EBF1: variants seen among roughly 807,000 people sequenced by gnomAD.
EBF1 encodes the protein EBF transcription factor 1, also known as transcription factor COE1.
EBF1 carries 10 observed loss-of-function variants against 68.4 expected under a neutral mutation model. The ratio of observed to expected loss-of-function variants is 0.15; its 90% confidence interval spans 0.09 to 0.25. The LOEUF (loss-of-function observed/expected upper bound fraction) is 0.25, where lower values mean the gene tolerates loss of function less well. Ranked by LOEUF, EBF1 falls within the 10% of genes least tolerant of loss-of-function variation. EBF1 has a pLI of 1.00. For synonymous variants in EBF1, 298 were observed against 299.8 expected (o/e 0.99, Z 0.06); for missense variants, 509 against 794.4 (o/e 0.64, Z 4.32).
chr5:158,869,292 G>A (rs1796451948), intron 6 of EBF1, among the ~76,000 whole-genome samples: 1 of 152,130 alleles, frequency 6.6e-6, no homozygotes, highest in Non-Finnish European at 1.5e-5. Flanking sequence ...ATCCCCCTGG[G>A]AATAGAACAA....
chr5:159,076,958 C>G (rs1211109779), intron 5 of EBF1, among the ~76,000 whole-genome samples: 4 of 152,250 alleles, frequency 2.6e-5, no homozygotes, highest in South Asian at 4.2e-4. Context: ...AAGAAATGTA[C>G]AGCATATTGT....
At chr5:158,781,004 G>C (rs1056263649) in intron 9 of EBF1, among the ~76,000 whole-genome samples, 2 of 152,104 alleles carry the variant, frequency 1.3e-5, no homozygotes, top group African/African-American at 4.8e-5. Flanking sequence ...ATATTCTTCT[G>C]AAACTCTGTA....
intron 6 of EBF1, among the ~76,000 whole-genome samples, chr5:158,924,037 T>A (rs62385382): frequency 0.047 from 7,130 of 152,342 alleles, 239 homozygotes; most frequent in Non-Finnish European, 0.068. Flanking sequence ...AGATGTGTTA[T>A]TCACAAAACA....
chr5:158,773,801 C>G (rs1039397820), intron 10 of EBF1, among the ~76,000 whole-genome samples: 1 of 151,944 alleles, frequency 6.6e-6, no homozygotes, highest in African/African-American at 2.4e-5. Flanking sequence ...GATCACGATT[C>G]GAAAAGATCC....
At chr5:158,796,619 A>T in intron 8 of EBF1, 144 bp from the exon 9 acceptor site, 1 of 1,008,158 alleles carries the variant, frequency 9.9e-7, no homozygotes, top group Non-Finnish European at 1.4e-6. Context: ...TTTCCCAGCC[A>T]CATTAGGACC....
At chr5:158,897,444 G>A (rs1477628409) in intron 6 of EBF1, among the ~76,000 whole-genome samples, 1 of 152,094 alleles carries the variant, frequency 6.6e-6, no homozygotes, top group East Asian at 1.9e-4. Flanking sequence ...GGGAGAGGAT[G>A]AGGAAAAATA....
chr5:159,095,016 A>C (rs967300122), intron 4 of EBF1, among the ~76,000 whole-genome samples: 1 of 152,202 alleles, frequency 6.6e-6, no homozygotes, highest in Non-Finnish European at 1.5e-5. Context: ...AAGCTCACTC[A>C]TGCTGCCTGG....
chr5:159,033,894 G>A (rs1769469255), intron 6 of EBF1, among the ~76,000 whole-genome samples: 1 of 152,074 alleles, frequency 6.6e-6, no homozygotes. Context: ...TTTGTCTCCT[G>A]GGACATCTAA....
intron 10 of EBF1, among the ~76,000 whole-genome samples, chr5:158,741,965 C>T (rs1294151289): frequency 6.6e-6 from 1 of 152,174 alleles, no homozygotes; most frequent in Admixed American, 6.5e-5. Flanking sequence ...CCATTAGACA[C>T]AGAAGAAAAT....
Position 158,846,593 on chromosome 5 carries a change from C to T in EBF1, c.555-6483G>A, listed in dbSNP as rs146021613. On this transcript the variant is annotated intron_variant, in intron 6 of 15. Transcript: ENST00000313708. ...CTCAAGGCCCTGAAAAATGGATCTC[C>T]CTTGCAACAGAGCAGGCCAAAACAG... is the stretch of plus-strand genomic sequence containing the variant. Among the ~76,000 whole-genome samples the T allele has an allele frequency of 4.3e-3, 658 of 152,274 alleles. 5 individuals are homozygous for T. Among genetic ancestry groups the T allele is most frequent in the Non-Finnish European group, 7.6e-3 (518 of 68,014 alleles).
intron 11 of EBF1, among the ~76,000 whole-genome samples, chr5:158,720,269 G>A (rs984154215): frequency 5.9e-5 from 9 of 152,154 alleles, no homozygotes; most frequent in Non-Finnish European, 1.2e-4. Context: ...ACTTCTGAAA[G>A]CCTGGGTGAC....
intron 8 of EBF1, among the ~76,000 whole-genome samples, chr5:158,799,185 T>A (rs1273640045): frequency 6.6e-6 from 1 of 152,114 alleles, no homozygotes; most frequent in Non-Finnish European, 1.5e-5. Flanking sequence ...CCCAGCACTT[T>A]GGGAAGCCAA....
At chr5:158,849,972 C>A (rs141844263) in intron 6 of EBF1, among the ~76,000 whole-genome samples, 1 of 152,356 alleles carries the variant, frequency 6.6e-6, no homozygotes. Flanking sequence ...CTATCCATCT[C>A]ACACTCTGTA....
At chr5:158,905,164 T>C (rs1003208530) in intron 6 of EBF1, among the ~76,000 whole-genome samples, 8 of 152,216 alleles carry the variant, frequency 5.3e-5, no homozygotes, top group Non-Finnish European at 1.0e-4. Flanking sequence ...CTAAGAGTGA[T>C]AGCTTTAACT....
chr5:159,087,371 CACAT>C (rs913288683), intron 4 of EBF1, among the ~76,000 whole-genome samples: 10 of 141,748 alleles, frequency 7.1e-5, no homozygotes, highest in Non-Finnish European at 1.1e-4. Context: ...TATATATACA[CACAT>C]ATATATACAC....
chr5:159,098,508 G>A (rs1326583290), intron 1 of EBF1, among the ~76,000 whole-genome samples: 1 of 152,000 alleles, frequency 6.6e-6, no homozygotes, highest in Non-Finnish European at 1.5e-5. Context: ...AGACTCAGGG[G>A]AGAAATGGGA....
intron 6 of EBF1, among the ~76,000 whole-genome samples, chr5:158,877,014 C>T (rs31197): frequency 0.069 from 10,502 of 152,236 alleles, 489 homozygotes; most frequent in Non-Finnish European, 0.1. Flanking sequence ...GAGAAATACC[C>T]TGTTTTATTG....
intron 6 of EBF1, among the ~76,000 whole-genome samples, chr5:158,872,858 A>G (rs1359867734): frequency 6.6e-6 from 1 of 152,182 alleles, no homozygotes; most frequent in African/African-American, 2.4e-5. Flanking sequence ...AGCTGTTACA[A>G]TATGCCAGGC....
At chr5:158,833,880 T>C (rs2127937431) in intron 7 of EBF1, among the ~76,000 whole-genome samples, 1 of 152,362 alleles carries the variant, frequency 6.6e-6, no homozygotes, top group South Asian at 2.1e-4. Flanking sequence ...AGACCTTATC[T>C]TTCTTATTCA....
Sources: gnomAD v4.1 joint callset for allele counts (sites outside exome capture counted in the v4.1 genomes callset) on GRCh38, gnomAD v4.1.1 for gene constraint, MANE v1.5 for transcripts, NCBI Gene and HGNC (gene_info 2026-07-23, HGNC 2026-07-21) for gene names.